DNAH10: variants seen among roughly 807,000 people sequenced by gnomAD.
DNAH10 encodes the protein axonemal beta dynein heavy chain 10.
DNAH10 carries 348 observed loss-of-function variants against 506.6 expected under a neutral mutation model. The ratio of observed to expected loss-of-function variants is 0.69; its 90% CI spans 0.63 to 0.75. DNAH10 has a LOEUF of 0.75. Ranked by LOEUF, DNAH10 falls within the 30% of genes least tolerant of loss-of-function variation. The probability of loss-of-function intolerance (pLI) is 0.00; values close to 1 mark genes in which losing one functional copy is unlikely to be tolerated. For synonymous variants in DNAH10, 2,059 were observed against 2,198.6 expected, an observed-to-expected ratio of 0.94 and a Z score of 1.78; for missense variants, 5,179 against 5,787.1, an observed-to-expected ratio of 0.89 and a Z score of 3.41.
intron 51 of DNAH10, among the ~76,000 whole-genome samples, chr12:123,884,941 T>A (rs1952666928): frequency 6.6e-6 from 1 of 152,236 alleles, no homozygotes; most frequent in African/African-American, 2.4e-5. Flanking sequence ...TTTTCTGTTA[T>A]TTTCATTTTT....
intron 56 of DNAH10, among the ~76,000 whole-genome samples, chr12:123,899,316 C>T (rs547081822): frequency 6.6e-6 from 1 of 152,288 alleles, no homozygotes; most frequent in South Asian, 2.1e-4. Flanking sequence ...CAGGACGGCT[C>T]CTGCAGCCCA....
Position 123,913,754 on chromosome 12 carries a change from A to T in DNAH10, c.10352+439A>T, listed in dbSNP as rs1248234674. Among the ~76,000 whole-genome samples the T allele has an allele frequency of 3.3e-5, 5 of 152,188 alleles. No homozygotes were observed. The highest frequency in any genetic ancestry group is 1.2e-4 in the African/African-American group (5 of 41,444). On this transcript the variant is annotated intron_variant, in intron 60 of 78. Transcript: ENST00000673944. The surrounding 1 kb of genome is among the most constrained non-coding windows in gnomAD (Gnocchi z 5.1). ...GTCTTAAGTGATGGGGCTGTTTGAT[A>T]TTTATGGGCAAGACCGCTTGGCCAC...
chr12:123,867,901 A>G lies in DNAH10; in HGVS notation c.7303-2A>G. The stretch of plus-strand genomic sequence containing the variant: ...TGAACCAGATATTTTCCTGTGAACC[A>G]GGTAACCCAGTTAGCCAAGATGTTG... On this transcript the variant is annotated splice_acceptor_variant, in intron 42 of 78. Coordinates refer to ENST00000673944, the MANE Select transcript of DNAH10 (RefSeq NM_001372106.1). LOFTEE classifies it high-confidence loss of function. The G allele has an allele frequency of 6.2e-7, 1 of 1,612,406 alleles. No individual in the cohort carries two copies. Among genetic ancestry groups the G allele is most frequent in the East Asian group, 2.2e-5 (1 of 44,866 alleles).
chr12:123,805,686 T>C (rs79320889), intron 18 of DNAH10, among the ~76,000 whole-genome samples: 10,894 of 152,210 alleles, frequency 0.072, 638 homozygotes, highest in African/African-American at 0.16. Context: ...CATTTTATCA[T>C]GCAGTGTCTT....
Position 123,853,272 on chromosome 12 carries a change from T to C in DNAH10, c.6358T>C (p.Tyr2120His). The C allele has an allele frequency of 6.2e-7, 1 of 1,611,598 alleles. No individual in the cohort carries two copies. The highest frequency in any genetic ancestry group is 2.2e-5 in the East Asian group (1 of 44,842). ...GGAGCAGCTGTCCAAGCAGTATCAC[T>C]ATGATTTTGGACTCAGAGCCCTGAA... ...AREQLSKQYH[Y>H]DFGLRALKSV... Residue 2120 changes from tyrosine to histidine, a missense_variant, in exon 36 of 79, where the codon TAT becomes CAT. Physicochemically the swap from Tyr to His is moderately conservative, Grantham distance 83. Coordinates refer to ENST00000673944, the MANE Select transcript of DNAH10 (RefSeq NM_001372106.1). The surrounding 1 kb of genome is among the most constrained non-coding windows in gnomAD (Gnocchi z 4.7).
intron 5 of DNAH10, among the ~76,000 whole-genome samples, chr12:123,774,780 A>G (rs1302373570): frequency 6.6e-6 from 1 of 152,196 alleles, no homozygotes; most frequent in African/African-American, 2.4e-5. Context: ...TAAACCCACA[A>G]CCTTCCAGCT....
chr12:123,799,202 T>TCGCTG, intron 13 of DNAH10, 44 bp from the exon 14 acceptor site: 14 of 1,562,392 alleles, frequency 9.0e-6, no homozygotes, highest in South Asian at 1.2e-5. Flanking sequence ...ATGAAAAATG[T>TCGCTG]TATTTTCAAG....
chr12:123,834,834 G>A (rs1016692871), intron 27 of DNAH10, among the ~76,000 whole-genome samples: 1 of 152,204 alleles, frequency 6.6e-6, no homozygotes, highest in African/African-American at 2.4e-5. Flanking sequence ...GTTCTTCCAT[G>A]TTGTAGCATG....
chr12:123,894,986 C>T (rs1006131339), intron 54 of DNAH10, among the ~76,000 whole-genome samples: 1 of 152,210 alleles, frequency 6.6e-6, no homozygotes, highest in African/African-American at 2.4e-5. Context: ...CCATGGTCTG[C>T]TGTCTAGTTG....
chr12:123,827,036 G>T, intron 25 of DNAH10, 138 bp downstream of exon 25: 1 of 682,614 alleles, frequency 1.5e-6, no homozygotes, highest in East Asian at 2.7e-5. Context: ...ACATGGGCAC[G>T]ACACAGTTCT....
At position 123,787,586 on chromosome 12, in the gene DNAH10, G is replaced by C. The variant is rs1957904109; in HGVS notation, c.1422-218G>C. 6.6e-6 allele frequency among the ~76,000 whole-genome samples: 1 copy of C among 152,250 alleles called. No homozygotes were observed. Among genetic ancestry groups the C allele is most frequent in the South Asian group, 2.1e-4 (1 of 4,834 alleles). ...CCAGGTAGCCCCAGCCCTGCACGCA[G>C]GTTGGCGGCTGCAACGGAAACCTCG... On this transcript the variant is annotated intron_variant, in intron 9 of 78. Transcript: ENST00000673944. This position sits in a 1 kb window ranked among gnomAD's most constrained non-coding sequence, Gnocchi z 4.6.
chr12:123,822,791 C>T (rs538737323), intron 24 of DNAH10, among the ~76,000 whole-genome samples: 12 of 152,264 alleles, frequency 7.9e-5, no homozygotes, highest in South Asian at 2.1e-4. Context: ...AGAACACTGA[C>T]GTCCCAGCTT....
At chr12:123,767,429 G>A (rs921280345) in intron 1 of DNAH10, among the ~76,000 whole-genome samples, 177 bp from the exon 2 acceptor site, 12 of 152,190 alleles carry the variant, frequency 7.9e-5, no homozygotes, top group African/African-American at 2.4e-4. Context: ...AACCTCCTTG[G>A]CTGTCACTGA....
chr12:123,903,140 G>A lies in DNAH10; in HGVS notation c.9815+27G>A. 3.2e-6 allele frequency: 5 copies of A among 1,584,504 alleles called. No individual in the cohort carries two copies. Among genetic ancestry groups the A allele is most frequent in the Non-Finnish European group, 3.4e-6 (4 of 1,165,742 alleles). The stretch of plus-strand genomic sequence containing the variant: ...TAATGCACCTGAGCCACCATTCTGG[G>A]CTTCCATTCCACCTCTGCAAGCCAG... On this transcript the variant is annotated intron_variant, in intron 57 of 78. Transcript: ENST00000673944. The surrounding 1 kb of genome is among the most constrained non-coding windows in gnomAD (Gnocchi z 4.6).
At chr12:123,896,274 A>G (rs1953240327) in intron 54 of DNAH10, among the ~76,000 whole-genome samples, 1 of 152,036 alleles carries the variant, frequency 6.6e-6, no homozygotes, top group Admixed American at 6.5e-5. Flanking sequence ...CACACTGTAA[A>G]ATGGGCCCTG....
rs746090422 is a variant in DNAH10, at chr12:123,931,616, GAA to G, written c.12917-17_12917-16del. ...TGCACGTGGATGCCTTGCTTTCTCT[GAA>G]AAGTGTCCTGGTTTTAGGGGAATCC... On this transcript the variant is annotated intron_variant, in intron 74 of 78. Transcript: ENST00000673944. 6.8e-6 allele frequency: 11 copies of G among 1,612,406 alleles called. No individual in the cohort carries two copies. The East Asian group carries it at 2.0e-4, about 29-fold the overall frequency.
chr12:123,857,413 A>G (rs1246410670), intron 37 of DNAH10, among the ~76,000 whole-genome samples, 166 bp downstream of exon 37: 1 of 152,214 alleles, frequency 6.6e-6, no homozygotes, highest in Admixed American at 6.5e-5. Context: ...AACAATATTT[A>G]CCATCTTACC....
Position 123,762,623 on chromosome 12 carries a change from G to A in DNAH10, c.214+73G>A, listed in dbSNP as rs1956869181. On this transcript the variant is annotated intron_variant, in intron 1 of 78. Transcript: ENST00000673944. The surrounding 1 kb of genome is among the most constrained non-coding windows in gnomAD (Gnocchi z 5.0). Reference sequence around the variant, plus strand: ...TCCCGGCCTCTCCGGCGGGCGCCGGGGCTGCTAGAGCCTGCCCATCGTCCG... The same window carrying A: ...TCCCGGCCTCTCCGGCGGGCGCCGGAGCTGCTAGAGCCTGCCCATCGTCCG... 2.1e-6 allele frequency: 3 copies of A among 1,447,300 alleles called. No homozygotes were observed. The highest frequency in any genetic ancestry group is 2.7e-5 in the East Asian group (1 of 36,676). 89.7% of individuals were successfully genotyped at this position (1,447,300 alleles called of 1,614,324 possible).
chr12:123,832,639 G>A (rs191259424), intron 26 of DNAH10, among the ~76,000 whole-genome samples: 10 of 151,992 alleles, frequency 6.6e-5, no homozygotes, highest in Admixed American at 3.3e-4. Flanking sequence ...CACCGCACCC[G>A]GCCTCAATAT....
Sources: gnomAD v4.1 joint callset for allele counts (sites outside exome capture counted in the v4.1 genomes callset) on GRCh38, gnomAD v4.1.1 for gene constraint, Gnocchi (gnomAD v3.1) non-coding constraint, MANE v1.5 for transcripts, NCBI Gene and HGNC (gene_info 2026-07-23, HGNC 2026-07-21) for gene names.